The following LRP1B variants were observed in gnomAD, a reference collection of about 807,000 sequenced individuals.
LRP1B encodes the protein LDL receptor related protein 1B, also known as low-density lipoprotein receptor-related protein 1B.
A neutral mutation model predicts 556.6 loss-of-function variants in LRP1B; 217 were observed. The observed-to-expected ratio is 0.39, with a 90% CI of 0.35 to 0.44. The LOEUF is 0.44. Among genes scored for constraint, LRP1B ranks in the 20% least tolerant of loss-of-function variants. The pLI, the probability that LRP1B is intolerant of heterozygous loss-of-function variation, is 1.00. For missense variants in LRP1B, 5,053 were observed against 5,620.8 expected, an observed-to-expected ratio of 0.90 and a Z score of 3.23; for synonymous variants, 2,047 against 1,865.8, an observed-to-expected ratio of 1.10 and a Z score of -2.50.
intron 41 of LRP1B, among the ~76,000 whole-genome samples, chr2:140,638,519 G>A (rs901384242): frequency 6.6e-6 from 1 of 152,114 alleles, no homozygotes; most frequent in South Asian, 2.1e-4. Flanking sequence ...TGGAAAATAT[G>A]ATATTCCTAG....
chr2:141,336,453 T>G (rs1195615245), intron 3 of LRP1B, among the ~76,000 whole-genome samples: 1 of 152,216 alleles, frequency 6.6e-6, no homozygotes, highest in South Asian at 2.1e-4. Flanking sequence ...ATCATTGAAG[T>G]CTTCATAAAT....
intron 35 of LRP1B, among the ~76,000 whole-genome samples, chr2:140,728,388 A>C (rs1476272899): frequency 6.6e-6 from 1 of 152,214 alleles, no homozygotes; most frequent in Non-Finnish European, 1.5e-5. Context: ...TCAGATTAGA[A>C]AAGGACCAAT....
At chr2:141,879,587 A>C (rs111453845) in intron 1 of LRP1B, among the ~76,000 whole-genome samples, 202 of 152,042 alleles carry the variant, frequency 1.3e-3, no homozygotes, top group African/African-American at 4.6e-3. Flanking sequence ...AATAGATATA[A>C]TCACTAATTG....
intron 31 of LRP1B, among the ~76,000 whole-genome samples, chr2:140,837,909 G>A: frequency 6.6e-6 from 1 of 151,958 alleles, no homozygotes; most frequent in East Asian, 1.9e-4. Context: ...TAACCTGCAC[G>A]TTGTGCACAT....
intron 7 of LRP1B, among the ~76,000 whole-genome samples, chr2:141,176,258 GGGCA>G (rs1416300720): frequency 6.6e-6 from 1 of 151,906 alleles, no homozygotes; most frequent in Non-Finnish European, 1.5e-5. Context: ...GATTTGGGAG[GGGCA>G]GTGGTGCAAT....
intron 15 of LRP1B, among the ~76,000 whole-genome samples, chr2:141,004,800 A>T (rs1345506471): frequency 2.6e-5 from 4 of 152,074 alleles, no homozygotes; most frequent in African/African-American, 9.7e-5. Flanking sequence ...GTCATAACAG[A>T]ATAATAAGAT....
chr2:140,709,955 T>C (rs1008199353), intron 37 of LRP1B, among the ~76,000 whole-genome samples: 1 of 151,976 alleles, frequency 6.6e-6, no homozygotes, highest in African/African-American at 2.4e-5. Flanking sequence ...TAATAAATAT[T>C]TCCTAGAAAC....
At chr2:141,037,353 T>C (rs1394682557) in intron 11 of LRP1B, among the ~76,000 whole-genome samples, 1 of 152,082 alleles carries the variant, frequency 6.6e-6, no homozygotes, top group Non-Finnish European at 1.5e-5. Flanking sequence ...TAAATTTTAC[T>C]TATGTGAACC....
rs536507333 is a variant in LRP1B at position 140,526,854 on chromosome 2, A to G, written c.7763-504T>C. Among the ~76,000 whole-genome samples, 6 of 151,914 alleles carry G rather than the reference A, an allele frequency of 3.9e-5. No homozygotes were observed. In the South Asian group the frequency reaches 1.2e-3, roughly 31 times the overall value. On this transcript the variant is annotated intron_variant, in intron 47 of 90. Transcript: ENST00000389484. ...AAGCATTTCCTGCTATAATAGAGAG[A>G]GACAGAGATAGAAACAGAAACAAAG...
At chr2:141,204,305 T>G (rs1247997225) in intron 6 of LRP1B, among the ~76,000 whole-genome samples, 1 of 152,220 alleles carries the variant, frequency 6.6e-6, no homozygotes, top group Non-Finnish European at 1.5e-5. Context: ...ATGACTTGTT[T>G]AATTTGTTTG....
intron 63 of LRP1B, among the ~76,000 whole-genome samples, chr2:140,448,155 A>G (rs1573950687): frequency 6.6e-6 from 1 of 152,152 alleles, no homozygotes; most frequent in Non-Finnish European, 1.5e-5. Context: ...AATGTCACCA[A>G]TAGACAAGAT....
Position 141,867,597 on chromosome 2 carries a change from C to T in LRP1B, c.83-57196G>A, listed in dbSNP as rs147696852. On this transcript the variant is annotated intron_variant, in intron 1 of 90. Coordinates refer to ENST00000389484, the MANE Select transcript of LRP1B (RefSeq NM_018557.3). ...GTCTTATTCAGTATTAAAGTGTTGGCATTTACATTTTTATCAGCGTTATGC... is the reference window on the plus strand; with the variant it reads ...GTCTTATTCAGTATTAAAGTGTTGGTATTTACATTTTTATCAGCGTTATGC... Among the ~76,000 whole-genome samples, 1,211 of 152,172 alleles carry T rather than the reference C, an allele frequency of 8.0e-3. 7 individuals are homozygous for T. The highest frequency in any genetic ancestry group is 0.014 in the Non-Finnish European group (956 of 68,000).
Position 140,886,124 on chromosome 2 carries a change from T to C in LRP1B, c.3964+14A>G. 3.4e-6 allele frequency: 5 copies of C among 1,480,742 alleles called. No homozygotes were observed. Among genetic ancestry groups the C allele is most frequent in the Non-Finnish European group, 4.6e-6 (5 of 1,095,432 alleles). The allele number at this position is 1,480,742 out of a possible 1,614,324, so 91.7% of individuals were successfully genotyped here. ...AAGTAATCTAAACATTAAGAAAAATTATAATATATGTACCTCCACTTTCAG... is the reference window on the plus strand; with the variant it reads ...AAGTAATCTAAACATTAAGAAAAATCATAATATATGTACCTCCACTTTCAG... On this transcript the variant is annotated intron_variant, in intron 24 of 90. Coordinates refer to ENST00000389484, the MANE Select transcript of LRP1B (RefSeq NM_018557.3).
At chr2:141,662,770 T>C (rs1156506150) in intron 2 of LRP1B, among the ~76,000 whole-genome samples, 1 of 151,824 alleles carries the variant, frequency 6.6e-6, no homozygotes, top group African/African-American at 2.4e-5. Context: ...AGACAGATTA[T>C]TGAGACAAAA....
At chr2:141,706,973 A>T (rs187089828) in intron 2 of LRP1B, among the ~76,000 whole-genome samples, 120 of 152,244 alleles carry the variant, frequency 7.9e-4, no homozygotes, top group African/African-American at 2.7e-3. Flanking sequence ...CATTATTTCA[A>T]TTTATTCCTC....
At chr2:141,896,916 A>G (rs764140834) in intron 1 of LRP1B, among the ~76,000 whole-genome samples, 15 of 152,114 alleles carry the variant, frequency 9.9e-5, no homozygotes, top group Non-Finnish European at 1.8e-4. Flanking sequence ...CTGTCTCTTG[A>G]TAAGTTGATA....
intron 63 of LRP1B, among the ~76,000 whole-genome samples, chr2:140,447,209 T>C (rs1686698941): frequency 6.6e-6 from 1 of 152,052 alleles, no homozygotes. Context: ...ATTTCATTGG[T>C]AGAAATGTAA....
intron 86 of LRP1B, among the ~76,000 whole-genome samples, chr2:140,266,815 C>T (rs971693652): frequency 1.8e-4 from 27 of 151,956 alleles, no homozygotes; most frequent in African/African-American, 6.3e-4. Context: ...TCCCAGAGCA[C>T]TTTGGTTGTA....
intron 59 of LRP1B, among the ~76,000 whole-genome samples, chr2:140,484,215 A>G (rs11694141): frequency 0.01 from 1,557 of 152,328 alleles, 12 homozygotes; most frequent in Admixed American, 0.019. Context: ...CCTTGAAAAC[A>G]AAAATACGTG....
Sources: allele counts gnomAD v4.1 joint callset (sites outside exome capture counted in the v4.1 genomes callset), GRCh38; gene constraint gnomAD v4.1.1; transcripts MANE v1.5; gene names NCBI Gene and HGNC (gene_info 2026-07-23, HGNC 2026-07-21).